Variants in GRIK3 observed in about 807,000 individuals in gnomAD.
GRIK3 encodes the protein glutamate ionotropic receptor kainate type subunit 3.
In GRIK3, 29 loss-of-function variants were observed where a neutral mutation model predicts 102.5. The ratio of observed to expected loss-of-function variants is 0.28; its 90% CI spans 0.21 to 0.39. The LOEUF is 0.39. Ranked by LOEUF, GRIK3 falls within the 10% of genes least tolerant of loss-of-function variation. The pLI is 1.00. For synonymous variants in GRIK3, 511 were observed against 504.9 expected (o/e 1.01, Z -0.16); for missense variants, 908 against 1,252.4 (o/e 0.73, Z 4.15).
At chr1:36,815,347 C>T (rs888700443) in intron 13 of GRIK3, among the ~76,000 whole-genome samples, 3 of 152,184 alleles carry the variant, frequency 2.0e-5, no homozygotes. Context: ...CAGGGGGCTG[C>T]AGTGCCCAGG....
intron 1 of GRIK3, among the ~76,000 whole-genome samples, chr1:36,984,153 A>G (rs950031078): frequency 2.0e-5 from 3 of 152,006 alleles, no homozygotes; most frequent in African/African-American, 7.3e-5. Context: ...ACATACCACC[A>G]CTCATGGGCC....
intron 9 of GRIK3, among the ~76,000 whole-genome samples, chr1:36,848,359 C>G (rs985692852): frequency 2.6e-5 from 4 of 152,088 alleles, no homozygotes; most frequent in African/African-American, 9.7e-5. Context: ...CTAGTTTTAC[C>G]TTTTTTTAAT....
At chr1:36,902,594 C>A (rs1037769901) in intron 1 of GRIK3, among the ~76,000 whole-genome samples, 2 of 152,152 alleles carry the variant, frequency 1.3e-5, no homozygotes, top group Non-Finnish European at 2.9e-5. Flanking sequence ...GTATCAGAGA[C>A]CTCAATGTAC....
At chr1:37,018,229 G>A (rs1449797751) in intron 1 of GRIK3, among the ~76,000 whole-genome samples, 1 of 152,180 alleles carries the variant, frequency 6.6e-6, no homozygotes, top group Non-Finnish European at 1.5e-5. Context: ...ACTGCACGGT[G>A]GGCAAAACAG....
At chr1:36,821,507 G>A (rs576106518) in intron 11 of GRIK3, among the ~76,000 whole-genome samples, 7 of 152,198 alleles carry the variant, frequency 4.6e-5, no homozygotes, top group African/African-American at 1.2e-4. Flanking sequence ...GGCAGGGGTC[G>A]GGCTGATGGG....
intron 1 of GRIK3, among the ~76,000 whole-genome samples, chr1:37,024,282 T>C (rs1290733113): frequency 6.6e-6 from 1 of 152,052 alleles, no homozygotes; most frequent in Non-Finnish European, 1.5e-5. Context: ...AGAGCTCTAG[T>C]GTAGGACAGG....
intron 1 of GRIK3, among the ~76,000 whole-genome samples, chr1:36,985,199 C>T (rs928615332): frequency 6.6e-6 from 1 of 152,104 alleles, no homozygotes; most frequent in Non-Finnish European, 1.5e-5. Flanking sequence ...TGGTGGCAGG[C>T]CCTTTCTCGT....
chr1:36,949,721 T>C (rs502048), intron 1 of GRIK3, among the ~76,000 whole-genome samples: 4,436 of 151,924 alleles, frequency 0.029, 186 homozygotes, highest in African/African-American at 0.09. Flanking sequence ...ATTACAGGTG[T>C]GTGCCACCAT....
intron 3 of GRIK3, among the ~76,000 whole-genome samples, chr1:36,876,198 A>C (rs113140407): frequency 2.0e-5 from 3 of 152,140 alleles, no homozygotes; most frequent in Admixed American, 6.5e-5. Flanking sequence ...CTCTATAAAA[A>C]AATTTAAAAC....
At chr1:36,841,431 AG>A in intron 10 of GRIK3, among the ~76,000 whole-genome samples, 1 of 152,352 alleles carries the variant, frequency 6.6e-6, no homozygotes, top group Non-Finnish European at 1.5e-5. Flanking sequence ...AAGAAGCCAC[AG>A]GCCTCCTCCA....
intron 11 of GRIK3, among the ~76,000 whole-genome samples, chr1:36,824,472 G>A (rs1031735790): frequency 6.6e-6 from 1 of 152,194 alleles, no homozygotes; most frequent in African/African-American, 2.4e-5. Flanking sequence ...TGGGGAGCAG[G>A]GACATTTCAT....
At chr1:37,010,665 G>A (rs888424596) in intron 1 of GRIK3, among the ~76,000 whole-genome samples, 5 of 151,336 alleles carry the variant, frequency 3.3e-5, no homozygotes, top group South Asian at 2.1e-4. Flanking sequence ...CAACCTTCCC[G>A]TCTGTGTGCG....
At position 36,880,648 on chromosome 1, in the gene GRIK3, T is replaced by C. The variant is rs1379934788; in HGVS notation, c.536A>G (p.Tyr179Cys). The C allele has an allele frequency of 2.5e-6, 4 of 1,614,158 alleles. No individual in the cohort carries two copies. The highest frequency in any genetic ancestry group is 3.4e-6 in the Non-Finnish European group (4 of 1,179,994). ...YLKWRSATVV[Y>C]DDSTGLIRLQ... ...TGGCCACCCACCTGTACTGTCGTCA[T>C]AGACCACGGTGGCTGACCGCCACTT... Residue 179 changes from tyrosine to cysteine, a missense_variant, in exon 3 of 16, where the codon TAT (tyrosine) becomes TGT (cysteine). This residue lies in a region of GRIK3 where 585 missense variants were observed against 824.9 expected (regional missense o/e 0.71). Coordinates refer to ENST00000373091, the MANE Select transcript of GRIK3 (RefSeq NM_000831.4). This position sits in a 1 kb window ranked among gnomAD's most constrained non-coding sequence, Gnocchi z 5.4.
chr1:36,978,923 G>A (rs1642221373), intron 1 of GRIK3, among the ~76,000 whole-genome samples: 1 of 152,198 alleles, frequency 6.6e-6, no homozygotes. Context: ...TGGTAGTCAT[G>A]TTGTATAGAT....
intron 1 of GRIK3, among the ~76,000 whole-genome samples, chr1:37,019,561 G>A (rs1418416292): frequency 6.6e-6 from 1 of 152,080 alleles, no homozygotes; most frequent in Non-Finnish European, 1.5e-5. Flanking sequence ...CCTACCATGA[G>A]GACATTCAAA....
intron 1 of GRIK3, among the ~76,000 whole-genome samples, chr1:36,981,375 G>C (rs1357877636): frequency 6.6e-6 from 1 of 152,194 alleles, no homozygotes; most frequent in Non-Finnish European, 1.5e-5. Context: ...TGCCTGCCTG[G>C]TGACCAGAGA....
chr1:36,825,577 G>C, intron 11 of GRIK3, 26 bp downstream of exon 11: 1 of 1,498,710 alleles, frequency 6.7e-7, no homozygotes, highest in Non-Finnish European at 9.0e-7. Flanking sequence ...CCTTGGGCCC[G>C]ATGTCTGGCC....
At chr1:36,931,805 CGAG>C (rs1641593451) in intron 1 of GRIK3, among the ~76,000 whole-genome samples, 1 of 152,118 alleles carries the variant, frequency 6.6e-6, no homozygotes. Context: ...TGGCATCTGG[CGAG>C]GAGTTCTGTC....
At chr1:36,874,973 C>T (rs560637317) in intron 3 of GRIK3, among the ~76,000 whole-genome samples, 5 of 152,344 alleles carry the variant, frequency 3.3e-5, no homozygotes, top group African/African-American at 9.6e-5. Context: ...TTTCTGGCTG[C>T]TCCCCTAATC....
Sources: allele counts gnomAD v4.1 joint callset (sites outside exome capture counted in the v4.1 genomes callset), GRCh38; gene constraint gnomAD v4.1.1; regional missense constraint gnomAD v4.1.1; non-coding constraint Gnocchi (gnomAD v3.1); transcripts MANE v1.5; gene names NCBI Gene and HGNC (gene_info 2026-07-23, HGNC 2026-07-21).